The following FAT4 variants were observed in gnomAD, a reference collection of about 807,000 sequenced individuals.
FAT4 encodes the protein protocadherin Fat 4.
FAT4 carries 84 observed loss-of-function variants against 303.9 expected under a neutral mutation model. That is an observed-to-expected ratio of 0.28 (90% CI 0.23 to 0.33). FAT4 has a LOEUF of 0.33. FAT4 is among the 10% of genes least tolerant of loss of function. FAT4 has a pLI of 1.00. For missense variants in FAT4, 6,005 were observed against 6,146.8 expected (o/e 0.98, Z 0.77); for synonymous variants, 2,307 against 2,298.8 (o/e 1.00, Z -0.10).
In FAT4 at chr4:125,491,094, G is replaced by A. The variant is rs1285191819; in HGVS notation, c.14278G>A (p.Ala4760Thr). ...GGGAAGGAGAAGCAAGAGTCCTCAG[G>A]CCATGGCATCACATGGTTCTAGACC... ...RLGRRSKSPQ[A>T]MASHGSRPGS... Residue 4760 changes from alanine to threonine, a missense_variant, in exon 18 of 18, where the codon GCC (alanine) becomes ACC (threonine). Ala to Thr is a moderately conservative substitution (Grantham distance 58, BLOSUM62 0). Transcript: ENST00000394329. 3 of 1,614,066 alleles carry A rather than the reference G, an allele frequency of 1.9e-6. No individual in the cohort carries two copies. Among genetic ancestry groups the A allele is most frequent in the East Asian group, 2.2e-5 (1 of 44,872 alleles).
intron 2 of FAT4, among the ~76,000 whole-genome samples, chr4:125,334,812 A>C (rs1731510391): frequency 6.6e-6 from 1 of 152,132 alleles, no homozygotes; most frequent in Non-Finnish European, 1.5e-5. Flanking sequence ...AAGTTAACCC[A>C]TAGTCTCTTT....
At position 125,317,616 on chromosome 4, in the gene FAT4, A is replaced by G. The variant is rs1730675501; in HGVS notation, c.1205A>G (p.Asn402Ser). The G allele has an allele frequency of 6.2e-7, 1 of 1,613,944 alleles. No homozygotes were observed. The highest frequency in any genetic ancestry group is 2.2e-5 in the East Asian group (1 of 44,870). ...ATCTCCGTGCAAATTCTCGGGGGCA[A>G]TGAGCAGCGCCACTTTGAAGTGCAA... is the stretch of plus-strand genomic sequence containing the variant. ...GNISVQILGG[N>S]EQRHFEVQSS... Residue 402 changes from asparagine (N) to serine (S), a missense_variant, in exon 2 of 18, where the codon AAT (asparagine) becomes AGT (serine). Coordinates refer to ENST00000394329, the MANE Select transcript of FAT4 (RefSeq NM_001291303.3). This position sits in a 1 kb window ranked among gnomAD's most constrained non-coding sequence, Gnocchi z 7.0.
At position 125,448,702 on chromosome 4, in the gene FAT4, C is replaced by T. The variant is rs780699634; in HGVS notation, c.7692C>T (p.Ala2564=). The change falls in exon 10 of 18, where the codon GCC becomes GCT. Residue 2564 remains alanine, a synonymous_variant. Transcript: ENST00000394329. ...TTVTVRFVNK[A]DFPKVRAKEQ... ...TGACTGTTAGATTCGTGAATAAGGC[C>T]GATTTCCCTAAAGTGAGAGCCAAAG... The T allele has an allele frequency of 5.0e-6, 8 of 1,613,850 alleles. No individual in the cohort carries two copies. Among genetic ancestry groups the T allele is most frequent in the East Asian group, 4.5e-5 (2 of 44,864 alleles).
intron 7 of FAT4, among the ~76,000 whole-genome samples, chr4:125,428,871 A>G (rs909173236): frequency 2.0e-5 from 3 of 152,004 alleles, no homozygotes; most frequent in African/African-American, 7.2e-5. Context: ...TTATTTGTAT[A>G]TTTTACCCCT....
chr4:125,447,048 T>G (rs1560612744), intron 9 of FAT4, among the ~76,000 whole-genome samples: 1 of 152,110 alleles, frequency 6.6e-6, no homozygotes, highest in East Asian at 1.9e-4. Flanking sequence ...CTTGTTAATA[T>G]TTATTTTATT....
In FAT4 at chr4:125,319,632, A is replaced by G; in HGVS notation, c.3221A>G (p.Asp1074Gly). Residue 1074 changes from aspartate to glycine, a missense_variant, in exon 2 of 18, where the codon GAC becomes GGC. Asp to Gly is a moderately conservative substitution (Grantham distance 94). Transcript: ENST00000394329. ...TATGTTTTAATGGTTGTTGCTTCTG[A>G]CAGAGCAGTGGAACCCCTTAGTGCT... ...DRYVLMVVAS[D>G]RAVEPLSATV... 1 of 1,613,972 alleles carries G rather than the reference A, an allele frequency of 6.2e-7. No individual in the cohort carries two copies.
intron 11 of FAT4, among the ~76,000 whole-genome samples, chr4:125,468,230 C>A (rs115018218): frequency 6.6e-6 from 1 of 152,082 alleles, no homozygotes; most frequent in Non-Finnish European, 1.5e-5. Flanking sequence ...ATACTCCATT[C>A]CACTAAGCCT....
At chr4:125,448,370 C>A in intron 9 of FAT4, 91 bp from the exon 10 acceptor site, 2 of 1,150,030 alleles carry the variant, frequency 1.7e-6, no homozygotes, top group Non-Finnish European at 2.5e-6. Flanking sequence ...TCACATCAAG[C>A]AGCAATAGAG....
In FAT4 at chr4:125,320,317, T is replaced by A. The variant is rs1159562914; in HGVS notation, c.3906T>A (p.Asn1302Lys). The change falls in exon 2 of 18, where the codon AAT becomes AAA. Residue 1302 changes from asparagine to lysine, a missense_variant. Asn to Lys is a moderately conservative substitution (Grantham distance 94). Transcript: ENST00000394329. ...CCCTCAATTCAACGTGTACTTTAAATATTGATATTTTAGATGAAAATGACA... is the reference window on the plus strand; with the variant it reads ...CCCTCAATTCAACGTGTACTTTAAAAATTGATATTTTAGATGAAAATGACA... ...TIPLNSTCTL[N>K]IDILDENDNT... is the part of the protein sequence containing the mutation. 2 of 1,613,478 alleles carry A rather than the reference T, an allele frequency of 1.2e-6. No homozygotes were observed. Among genetic ancestry groups the A allele is most frequent in the Non-Finnish European group, 1.7e-6 (2 of 1,179,428 alleles).
intron 2 of FAT4, among the ~76,000 whole-genome samples, chr4:125,358,162 A>G (rs891940474): frequency 7.9e-5 from 12 of 152,070 alleles, no homozygotes; most frequent in Non-Finnish European, 1.8e-4. Context: ...TGTTTTAAAT[A>G]ACTGAAACCT....
At chr4:125,332,521 T>C (rs924014610) in intron 2 of FAT4, among the ~76,000 whole-genome samples, 1 of 152,144 alleles carries the variant, frequency 6.6e-6, no homozygotes, top group Non-Finnish European at 1.5e-5. Context: ...TTCATTTTCA[T>C]TTGATTTAAT....
intron 2 of FAT4, among the ~76,000 whole-genome samples, chr4:125,327,927 T>G (rs1731219551): frequency 6.6e-6 from 1 of 152,194 alleles, no homozygotes; most frequent in South Asian, 2.1e-4. Flanking sequence ...GAGGGACTGT[T>G]GCATTAGTGA....
At chr4:125,342,157 T>C (rs1310442824) in intron 2 of FAT4, among the ~76,000 whole-genome samples, 4 of 151,992 alleles carry the variant, frequency 2.6e-5, no homozygotes, top group Admixed American at 1.3e-4. Context: ...ATTATCCCAA[T>C]ACTATATATG....
Position 125,319,890 on chromosome 4 carries a change from A to G in FAT4, c.3479A>G (p.Gln1160Arg), listed in dbSNP as rs776512346. Residue 1160 changes from glutamine (Q) to arginine (R), a missense_variant, in exon 2 of 18, where the codon CAG (glutamine) becomes CGG (arginine). Physicochemically the swap from Gln to Arg is conservative, Grantham distance 43. Transcript: ENST00000394329. ...AISGEITNTH[Q>R]FDRESLMRRR... Reference sequence around the variant, plus strand: ...AGTGGGGAAATTACAAATACTCATCAGTTTGACAGGGAGTCTCTTATGAGG... The same window carrying G: ...AGTGGGGAAATTACAAATACTCATCGGTTTGACAGGGAGTCTCTTATGAGG... 14 of 1,614,026 alleles carry G rather than the reference A, an allele frequency of 8.7e-6. No individual in the cohort carries two copies. The Admixed American group carries it at 1.8e-4, about 21-fold the overall frequency.
chr4:125,462,059 C>G (rs976801405), intron 10 of FAT4, among the ~76,000 whole-genome samples: 3 of 151,822 alleles, frequency 2.0e-5, no homozygotes, highest in Non-Finnish European at 4.4e-5. Flanking sequence ...ATTGTTAGCT[C>G]AATGTTTTGC....
Position 125,450,479 on chromosome 4 carries a change from G to A in FAT4, c.9469G>A (p.Glu3157Lys), listed in dbSNP as rs758837240. ...AACACTAGCCAAAGCTCTTGATTAT[G>A]AGCTATGCCAGAAACACGAAATGAC... ...ILTLAKALDY[E>K]LCQKHEMTIS... Residue 3157 changes from glutamate to lysine, a missense_variant, in exon 10 of 18, where the codon GAG becomes AAG. Physicochemically the swap from Glu to Lys is moderately conservative, Grantham distance 56. Coordinates refer to ENST00000394329, the MANE Select transcript of FAT4 (RefSeq NM_001291303.3). The A allele has an allele frequency of 1.9e-6, 3 of 1,614,098 alleles. No individual in the cohort carries two copies. The highest frequency in any genetic ancestry group is 2.5e-6 in the Non-Finnish European group (3 of 1,180,008).
chr4:125,490,325 T>C lies in FAT4; in HGVS notation c.13509T>C (p.Pro4503=). The C allele has an allele frequency of 6.2e-7, 1 of 1,614,150 alleles. No individual in the cohort carries two copies. Among genetic ancestry groups the C allele is most frequent in the Non-Finnish European group, 8.5e-7 (1 of 1,180,040 alleles). Residue 4503 remains proline, a synonymous_variant, in exon 18 of 18, where the codon CCT becomes CCC. Coordinates refer to ENST00000394329, the MANE Select transcript of FAT4 (RefSeq NM_001291303.3). The part of the protein sequence containing the change: ...LSQGPEEISL[P]LWAVPAIVGS... Reference sequence around the variant, plus strand: ...AGGGCCCTGAAGAGATCTCTCTGCCTTTGTGGGCTGTGCCTGCCATCGTGG... The same window carrying C: ...AGGGCCCTGAAGAGATCTCTCTGCCCTTGTGGGCTGTGCCTGCCATCGTGG...
At chr4:125,427,091 T>G (rs959305439) in intron 7 of FAT4, among the ~76,000 whole-genome samples, 1 of 151,962 alleles carries the variant, frequency 6.6e-6, no homozygotes, top group Non-Finnish European at 1.5e-5. Context: ...ATAACTGTGT[T>G]GAAATTTTTG....
At chr4:125,431,283 G>T (rs957081805) in intron 7 of FAT4, among the ~76,000 whole-genome samples, 11 of 152,100 alleles carry the variant, frequency 7.2e-5, no homozygotes, top group African/African-American at 2.2e-4. Flanking sequence ...AAATCTCACT[G>T]TAAGTCTTAA....
Sources: gnomAD v4.1 joint callset for allele counts (sites outside exome capture counted in the v4.1 genomes callset) on GRCh38, gnomAD v4.1.1 for gene constraint, Gnocchi (gnomAD v3.1) non-coding constraint, MANE v1.5 for transcripts, NCBI Gene and HGNC (gene_info 2026-07-23, HGNC 2026-07-21) for gene names.